TMEM117: variants seen among roughly 807,000 people sequenced by gnomAD.
The protein encoded by TMEM117 is transmembrane protein 117.
Under a neutral mutation model 52.4 loss-of-function variants are expected in TMEM117, and 27 were observed. That is an observed-to-expected ratio of 0.51 (90% CI 0.38 to 0.71). The LOEUF (loss-of-function observed/expected upper bound fraction) is 0.71. TMEM117 is among the 30% of genes least tolerant of loss of function. The pLI is 0.00. For synonymous variants in TMEM117, 215 were observed against 206.3 expected, an observed-to-expected ratio of 1.04 and a Z score of -0.36; for missense variants, 556 against 630.5, an observed-to-expected ratio of 0.88 and a Z score of 1.26.
chr12:44,351,977 C>T (rs1043024591), intron 6 of TMEM117, among the ~76,000 whole-genome samples: 4 of 151,924 alleles, frequency 2.6e-5, no homozygotes, highest in South Asian at 4.1e-4. Context: ...TCCCAGCAAT[C>T]GCCCTCAGTA....
At chr12:43,806,000 A>G in the TMEM117 span, 11 of 1,531,270 alleles carry the variant, frequency 7.2e-6, no homozygotes, top group East Asian at 2.5e-4. Flanking sequence ...ATTTCGGATC[A>G]ATCTGCAACG....
chr12:44,274,814 A>G lies in TMEM117; in HGVS notation c.609-24766A>G, dbSNP rs147726686. Among the ~76,000 whole-genome samples the G allele has an allele frequency of 2.3e-3, 344 of 152,298 alleles. 2 individuals carry two copies. The highest frequency in any genetic ancestry group is 4.0e-3 in the Non-Finnish European group (273 of 67,996). ...ATTAAAATCATATCAAAATGGATTA[A>G]AGATTTAAATCCAAGACTTCAGCCT... On this transcript the variant is annotated intron_variant, in intron 5 of 7. Transcript: ENST00000266534.
At chr12:44,198,736 T>C (rs1165795205) in intron 4 of TMEM117, among the ~76,000 whole-genome samples, 1 of 152,132 alleles carries the variant, frequency 6.6e-6, no homozygotes, top group Admixed American at 6.5e-5. Context: ...ATGGTGTACT[T>C]GGAGTGAAAC....
intron 3 of TMEM117, among the ~76,000 whole-genome samples, chr12:44,006,312 A>G (rs1008318909): frequency 6.6e-6 from 1 of 152,204 alleles, no homozygotes; most frequent in African/African-American, 2.4e-5. Flanking sequence ...CAAGGTACCT[A>G]GATCTGTCCT....
chr12:44,096,925 G>A (rs1947774874), intron 3 of TMEM117, among the ~76,000 whole-genome samples: 1 of 151,530 alleles, frequency 6.6e-6, no homozygotes, highest in South Asian at 2.1e-4. Context: ...GAGTGAACAG[G>A]CAACCTACAG....
At chr12:44,275,638 G>A (rs1350795864) in intron 5 of TMEM117, among the ~76,000 whole-genome samples, 6 of 152,018 alleles carry the variant, frequency 3.9e-5, no homozygotes, top group East Asian at 3.9e-4. Context: ...AGATCCTGTC[G>A]TTTGCAATGA....
intron 2 of TMEM117, among the ~76,000 whole-genome samples, chr12:43,903,037 A>G (rs573139996): frequency 7.2e-4 from 109 of 152,350 alleles, no homozygotes; most frequent in African/African-American, 2.5e-3. Flanking sequence ...TGACATTAGT[A>G]ACTTTACTCT....
chr12:44,185,119 A>G (rs1949259450), intron 4 of TMEM117, among the ~76,000 whole-genome samples: 1 of 152,148 alleles, frequency 6.6e-6, no homozygotes. Flanking sequence ...TTGAATTTAT[A>G]TACAGGTAAT....
chr12:44,029,263 T>G (rs1946593453), intron 3 of TMEM117, among the ~76,000 whole-genome samples: 1 of 152,194 alleles, frequency 6.6e-6, no homozygotes. Flanking sequence ...GGTAGAGTCC[T>G]TCTCGTTTAA....
intron 3 of TMEM117, among the ~76,000 whole-genome samples, chr12:44,087,450 A>T (rs928205785): frequency 6.6e-6 from 1 of 151,688 alleles, no homozygotes; most frequent in Non-Finnish European, 1.5e-5. Flanking sequence ...GTATGTATGT[A>T]TGTATGTATG....
intron 4 of TMEM117, among the ~76,000 whole-genome samples, chr12:44,171,867 A>G (rs1949051584): frequency 1.3e-5 from 2 of 152,162 alleles, no homozygotes; most frequent in African/African-American, 4.8e-5. Flanking sequence ...TATGAGAAGG[A>G]GCCAAGCAGA....
intron 2 of TMEM117, among the ~76,000 whole-genome samples, chr12:43,890,720 C>T (rs532478087): frequency 4.6e-5 from 7 of 152,024 alleles, no homozygotes; most frequent in African/African-American, 9.6e-5. Flanking sequence ...TCAGTAGAGA[C>T]GGGGTTTCAC....
At chr12:43,812,214 A>G in the TMEM117 span, among the ~76,000 whole-genome samples, 1 of 152,196 alleles carries the variant, frequency 6.6e-6, no homozygotes, top group Non-Finnish European at 1.5e-5. Flanking sequence ...ATTCTTTGTT[A>G]CCTACAGGCC....
At position 44,376,736 on chromosome 12, in the gene TMEM117, C is replaced by A. The variant is rs774343251; in HGVS notation, c.898+12C>A. The A allele has an allele frequency of 1.3e-6, 2 of 1,582,542 alleles. No homozygotes were observed. Among genetic ancestry groups the A allele is most frequent in the Admixed American group, 3.9e-5 (2 of 51,846 alleles). On this transcript the variant is annotated intron_variant, in intron 7 of 7. Transcript: ENST00000266534. The stretch of plus-strand genomic sequence containing the variant: ...TATTCACATAACAGGTGTGTTATAT[C>A]TTTGAACACAATTTGATTATCTTCG...
chr12:44,152,729 ATATT>A (rs1342158857), intron 4 of TMEM117, among the ~76,000 whole-genome samples: 1 of 137,158 alleles, frequency 7.3e-6, no homozygotes, highest in African/African-American at 2.7e-5. Context: ...TAATATAAAT[ATATT>A]TATATTTATA....
intron 3 of TMEM117, among the ~76,000 whole-genome samples, chr12:44,119,515 G>C (rs1948198975): frequency 6.6e-6 from 1 of 152,112 alleles, no homozygotes; most frequent in Non-Finnish European, 1.5e-5. Flanking sequence ...CTATCCAAAG[G>C]TACTTGCTTG....
At chr12:44,221,727 C>G (rs1288455017) in intron 5 of TMEM117, among the ~76,000 whole-genome samples, 1 of 150,532 alleles carries the variant, frequency 6.6e-6, no homozygotes, top group African/African-American at 2.4e-5. Context: ...GAGACAGAGT[C>G]TCACTCTGTC....
At chr12:44,049,336 G>A (rs1842502920) in intron 3 of TMEM117, among the ~76,000 whole-genome samples, 1 of 152,084 alleles carries the variant, frequency 6.6e-6, no homozygotes, top group African/African-American at 2.4e-5. Flanking sequence ...AACACCACAT[G>A]TTCTCACTCA....
chr12:43,877,700 A>G (rs1943824021), intron 2 of TMEM117, among the ~76,000 whole-genome samples: 1 of 152,096 alleles, frequency 6.6e-6, no homozygotes, highest in African/African-American at 2.4e-5. Context: ...TGTAGCAGCT[A>G]ATAGCTGAAA....
Sources: allele counts gnomAD v4.1 joint callset (sites outside exome capture counted in the v4.1 genomes callset), GRCh38; gene constraint gnomAD v4.1.1; transcripts MANE v1.5; gene names NCBI Gene and HGNC (gene_info 2026-07-23, HGNC 2026-07-21).